PCDHA13: variants seen among roughly 807,000 people sequenced by gnomAD.
The protein encoded by PCDHA13 is protocadherin alpha-13.
In PCDHA13, 54 loss-of-function variants were observed where a neutral mutation model predicts 64.8. The ratio of observed to expected loss-of-function variants is 0.83; its 90% CI spans 0.67 to 1.04. The LOEUF is 1.04. PCDHA13 is among the 50% of genes least tolerant of loss of function. The pLI is 0.00. For synonymous variants in PCDHA13, 587 were observed against 564.4 expected (o/e 1.04, Z -0.57); for missense variants, 1,248 against 1,254.3 (o/e 0.99, Z 0.08).
chr5:141,007,395 CAAAAAAAAAAAAAAAA>C (rs35800918), intron 3 of PCDHA13, among the ~76,000 whole-genome samples: 1 of 94,866 alleles, frequency 1.1e-5, no homozygotes. Context: ...TACTAAAATA[CAAAAAAAAAAAAAAAA>C]AAAAAAATTA....
chr5:140,923,459 G>T (rs549692824), intron 1 of PCDHA13, among the ~76,000 whole-genome samples: 6 of 152,192 alleles, frequency 3.9e-5, no homozygotes, highest in Admixed American at 3.9e-4. Flanking sequence ...GCCCAGAGAG[G>T]TAGGGGCTGC....
rs1330929245 is a variant in PCDHA13 at position 140,882,640 on chromosome 5, G to C, written c.372G>C (p.Arg124Ser). 1.2e-6 allele frequency: 2 copies of C among 1,614,068 alleles called. No individual in the cohort carries two copies. Among genetic ancestry groups the C allele is most frequent in the Admixed American group, 3.3e-5 (2 of 60,004 alleles). Residue 124 changes from arginine to serine, a missense_variant, in exon 1 of 4, where the codon AGG becomes AGC. Physicochemically the swap from Arg to Ser is moderately radical, Grantham distance 110 (BLOSUM62 -1). Coordinates refer to ENST00000289272, the MANE Select transcript of PCDHA13 (RefSeq NM_018904.3). ...LQVFHVEVKV[R>S]DINDNPPIFP... Reference sequence around the variant, plus strand: ...TTTTCCATGTGGAGGTGAAGGTGAGGGACATTAACGACAACCCGCCCATAT... The same window carrying C: ...TTTTCCATGTGGAGGTGAAGGTGAGCGACATTAACGACAACCCGCCCATAT...
At chr5:140,927,059 G>T (rs2153586396) in intron 1 of PCDHA13, 1 of 1,611,324 alleles carries the variant, frequency 6.2e-7, no homozygotes, top group Middle Eastern at 1.7e-4. Flanking sequence ...CGGAACTTTC[G>T]CTTCCTTTCC....
intron 1 of PCDHA13, among the ~76,000 whole-genome samples, chr5:140,890,993 AT>A (rs2062889744): frequency 6.6e-6 from 1 of 152,134 alleles, no homozygotes; most frequent in Non-Finnish European, 1.5e-5. Flanking sequence ...TTATTTCATC[AT>A]AATTATTGAA....
rs1554263082 is a variant in PCDHA13 at position 141,010,709 on chromosome 5, TG to T, written c.*773del. 2 of 154,830 alleles carry T rather than the reference TG, an allele frequency of 1.3e-5. No individual in the cohort carries two copies. Among genetic ancestry groups the T allele is most frequent in the African/African-American group, 2.4e-5 (1 of 41,516 alleles). The allele number at this position is 154,830 out of a possible 1,614,324, so 9.6% of individuals were successfully genotyped here. On this transcript the variant is annotated 3_prime_UTR_variant, in exon 4 of 4. Transcript: ENST00000289272. Reference sequence around the variant, plus strand: ...TCTGATGTGTTTCCTATACATGTCCTGTGCTCACTTTATTAAAAATTCTTTT... The same window carrying T: ...TCTGATGTGTTTCCTATACATGTCCTTGCTCACTTTATTAAAAATTCTTTT...
Position 140,967,117 on chromosome 5 carries a change from C to T in PCDHA13, c.2395-11832C>T, listed in dbSNP as rs370329233. 7.4e-6 allele frequency: 12 copies of T among 1,612,904 alleles called. No individual in the cohort carries two copies. The East Asian group carries it at 1.6e-4, about 21-fold the overall frequency. On this transcript the variant is annotated intron_variant, in intron 1 of 3. Coordinates refer to ENST00000289272, the MANE Select transcript of PCDHA13 (RefSeq NM_018904.3). ...CGCTGTGTGAGCAGCGGCCTCGCTG[C>T]CTGCTCAGCTTGGAAGTGCTGGCGC...
intron 1 of PCDHA13, among the ~76,000 whole-genome samples, chr5:140,898,431 A>G (rs1482364069): frequency 6.6e-6 from 1 of 152,182 alleles, no homozygotes; most frequent in East Asian, 1.9e-4. Context: ...TCCCAGCACC[A>G]TTTATTAAAT....
At chr5:140,953,952 C>T (rs1025145135) in intron 1 of PCDHA13, among the ~76,000 whole-genome samples, 1 of 152,084 alleles carries the variant, frequency 6.6e-6, no homozygotes, top group Non-Finnish European at 1.5e-5. Context: ...GCTCCCCCAA[C>T]AGGCCCCAGT....
chr5:140,884,721 T>C, intron 1 of PCDHA13, 59 bp downstream of exon 1: 1 of 1,464,684 alleles, frequency 6.8e-7, no homozygotes, highest in South Asian at 1.5e-5. Flanking sequence ...TTGCAGTTGT[T>C]TGTTTAAGAC....
At chr5:140,919,262 G>A (rs1482345606) in intron 1 of PCDHA13, among the ~76,000 whole-genome samples, 2 of 152,142 alleles carry the variant, frequency 1.3e-5, no homozygotes, top group African/African-American at 4.8e-5. Context: ...TCTGATATTA[G>A]TGTAGTCACT....
At chr5:140,913,610 A>C (rs1271705435) in intron 1 of PCDHA13, among the ~76,000 whole-genome samples, 2 of 151,906 alleles carry the variant, frequency 1.3e-5, no homozygotes, top group African/African-American at 4.8e-5. Flanking sequence ...TATTTTCTCT[A>C]CTAATTTTGG....
At chr5:140,985,579 C>T (rs2097158687) in intron 3 of PCDHA13, among the ~76,000 whole-genome samples, 1 of 152,084 alleles carries the variant, frequency 6.6e-6, no homozygotes, top group African/African-American at 2.4e-5. Context: ...GTGCCTAAGC[C>T]TCCTTATACT....
At chr5:140,920,501 A>G (rs1404369467) in intron 1 of PCDHA13, among the ~76,000 whole-genome samples, 1 of 152,194 alleles carries the variant, frequency 6.6e-6, no homozygotes, top group Non-Finnish European at 1.5e-5. Context: ...AGAGTTCTAC[A>G]TACTGTTTTA....
rs57893927 is a variant in PCDHA13 at position 140,946,631 on chromosome 5, T to TATATAC, written c.2395-32317_2395-32316insTATACA. Among the ~76,000 whole-genome samples, 104 of 131,796 alleles carry TATATAC rather than the reference T, an allele frequency of 7.9e-4. 5 individuals are homozygous for TATATAC. Among genetic ancestry groups the TATATAC allele is most frequent in the Admixed American group, 1.7e-3 (23 of 13,490 alleles). The allele number at this position is 131,796 out of a possible 152,430, so 86.5% of individuals were successfully genotyped here. Reference sequence around the variant, plus strand: ...TGTGAAATATATATATATATATATATACAATGGAATACTCATCAGCCATTA... The same window carrying TATATAC: ...TGTGAAATATATATATATATATATATATATACACAATGGAATACTCATCAGCCATTA... On this transcript the variant is annotated intron_variant, in intron 1 of 3. Transcript: ENST00000289272.
chr5:140,950,279 C>G (rs938821559), intron 1 of PCDHA13, among the ~76,000 whole-genome samples: 11 of 151,924 alleles, frequency 7.2e-5, no homozygotes, highest in African/African-American at 2.4e-4. Flanking sequence ...TGTCTTTTTG[C>G]TTCAACCTGA....
In PCDHA13 at chr5:140,882,802, C is replaced by T. The variant is rs782615396; in HGVS notation, c.534C>T (p.Phe178=). ...LTYRLDPNDY[F]TLDAQNSLEQ... ...ACCGACTGGATCCCAACGATTATTT[C>T]ACTTTGGACGCACAAAACAGTCTTG... The change falls in exon 1 of 4, where the codon TTC becomes TTT. Residue 178 remains phenylalanine (F), a synonymous_variant. Coordinates refer to ENST00000289272, the MANE Select transcript of PCDHA13 (RefSeq NM_018904.3). 21 of 1,614,206 alleles carry T rather than the reference C, an allele frequency of 1.3e-5. No individual in the cohort carries two copies. The highest frequency in any genetic ancestry group is 1.5e-5 in the Non-Finnish European group (18 of 1,180,040).
chr5:140,912,993 T>C (rs186652657), intron 1 of PCDHA13, among the ~76,000 whole-genome samples: 1 of 152,294 alleles, frequency 6.6e-6, no homozygotes, highest in Non-Finnish European at 1.5e-5. Flanking sequence ...TTCAGTTTGC[T>C]AGTATTTTGT....
chr5:140,891,235 G>T (rs186707439), intron 1 of PCDHA13, among the ~76,000 whole-genome samples: 48 of 152,092 alleles, frequency 3.2e-4, no homozygotes, highest in African/African-American at 1.1e-3. Flanking sequence ...TCCTGTTCTG[G>T]ATTCAGTAGG....
chr5:140,979,292 C>T (rs1449910823), intron 2 of PCDHA13, among the ~76,000 whole-genome samples: 1 of 151,814 alleles, frequency 6.6e-6, no homozygotes, highest in African/African-American at 2.4e-5. Flanking sequence ...GTAATTTCAA[C>T]CTCCTTCATC....
Sources: gnomAD v4.1 joint callset for allele counts (sites outside exome capture counted in the v4.1 genomes callset) on GRCh38, gnomAD v4.1.1 for gene constraint, MANE v1.5 for transcripts, NCBI Gene and HGNC (gene_info 2026-07-23, HGNC 2026-07-21) for gene names.